PRDM4: variants seen among roughly 807,000 people sequenced by gnomAD.
PRDM4 encodes PR/SET domain 4.
PRDM4 carries 38 observed loss-of-function variants against 62.3 expected under a neutral mutation model. That is an observed-to-expected ratio of 0.61 (90% confidence interval 0.47 to 0.80). The LOEUF (loss-of-function observed/expected upper bound fraction) is 0.80. Among genes scored for constraint, PRDM4 ranks in the 30% least tolerant of loss-of-function variants. PRDM4 has a pLI of 0.00. For synonymous variants in PRDM4, 339 were observed against 348.2 expected, an observed-to-expected ratio of 0.97 and a Z score of 0.30; for missense variants, 858 against 997.1, an observed-to-expected ratio of 0.86 and a Z score of 1.88.
chr12:107,753,959 T>TGAGG lies in PRDM4; in HGVS notation c.292_295dup (p.His99ProfsTer21). On this transcript the variant is annotated frameshift_variant, in exon 4 of 12. Coordinates refer to ENST00000228437, the MANE Select transcript of PRDM4 (RefSeq NM_012406.4). LOFTEE classifies it high-confidence loss of function. ...GGTTCTGAAATAACTGCTCTCCAGG[T>TGAGG]GAGGGTAAGGTGGTGGAGGTAGGGT... 1 of 1,613,980 alleles carries TGAGG rather than the reference T, an allele frequency of 6.2e-7. No homozygotes were observed. The highest frequency in any genetic ancestry group is 1.7e-5 in the Admixed American group (1 of 60,000).
At chr12:107,756,170 G>C (rs995462511) in intron 3 of PRDM4, among the ~76,000 whole-genome samples, 1 of 151,954 alleles carries the variant, frequency 6.6e-6, no homozygotes, top group Non-Finnish European at 1.5e-5. Flanking sequence ...TGAAGCAGGA[G>C]AATCACTTGA....
chr12:107,743,119 T>C, intron 8 of PRDM4, 78 bp downstream of exon 8: 2 of 765,292 alleles, frequency 2.6e-6, no homozygotes, highest in Non-Finnish European at 3.7e-6. Context: ...TTCTTAACTC[T>C]TTCTTCTTTT....
Position 107,760,900 on chromosome 12 carries a change from C to A in PRDM4, c.-257+57G>T, listed in dbSNP as rs376744548. The A allele has an allele frequency of 1.5e-3, 223 of 149,164 alleles. 2 individuals carry two copies. Among genetic ancestry groups the A allele is most frequent in the Admixed American group, 6.7e-3 (100 of 14,940 alleles). 9.2% of individuals were successfully genotyped at this position (149,164 alleles called of 1,614,324 possible). A position where few individuals can be genotyped will look rare whatever the true frequency, so the allele number is the denominator to read the frequency against. Reference sequence around the variant, plus strand: ...GGCTGTGGATTAGCCCGCCCGCGGCCCGCAGGCCGGGCCGCCGCGCCCCGC... The same window carrying A: ...GGCTGTGGATTAGCCCGCCCGCGGCACGCAGGCCGGGCCGCCGCGCCCCGC... On this transcript the variant is annotated intron_variant, in intron 1 of 11. Coordinates refer to ENST00000228437, the MANE Select transcript of PRDM4 (RefSeq NM_012406.4).
rs1890982088 is a variant in PRDM4, at chr12:107,753,957, G to C, written c.298C>G (p.Leu100Val). 1.9e-6 allele frequency: 3 copies of C among 1,614,028 alleles called. No individual in the cohort carries two copies. Among genetic ancestry groups the C allele is most frequent in the South Asian group, 1.1e-5 (1 of 91,058 alleles). ...YTLPPPPYPH[L>V]ESSYFRTILP... ...ATGGTTCTGAAATAACTGCTCTCCA[G>C]GTGAGGGTAAGGTGGTGGAGGTAGG... Residue 100 changes from leucine (L) to valine (V), a missense_variant, in exon 4 of 12, where the codon CTG (leucine) becomes GTG (valine). This residue lies in a region of PRDM4 where 499 missense variants were observed against 546.7 expected (regional missense o/e 0.91). Transcript: ENST00000228437.
At chr12:107,757,107 TTAGA>T in intron 2 of PRDM4, 142 bp from the exon 3 acceptor site, 2 of 762,926 alleles carry the variant, frequency 2.6e-6, no homozygotes, top group East Asian at 2.7e-5. Flanking sequence ...AACAATTCTC[TTAGA>T]TAGCTAGTGC....
At chr12:107,737,390 A>T (rs560215096) in intron 11 of PRDM4, among the ~76,000 whole-genome samples, 1 of 152,234 alleles carries the variant, frequency 6.6e-6, no homozygotes, top group South Asian at 2.1e-4. Flanking sequence ...AGTGCTTCTT[A>T]TAAGAATGAC....
rs754487014 is a variant in PRDM4, at chr12:107,739,477, T to TA, written c.1998dup (p.Ile667TyrfsTer9). The TA allele has an allele frequency of 1.2e-6, 2 of 1,613,996 alleles. No individual in the cohort carries two copies. The highest frequency in any genetic ancestry group is 1.1e-5 in the South Asian group (1 of 91,080). ...TTAAGATTCTTCTCCCCAGTGTGGA[T>TA]AACCATGTGGGACTCCAGGTGAGCC... On this transcript the variant is annotated frameshift_variant, in exon 11 of 12. Transcript: ENST00000228437. LOFTEE classifies it high-confidence loss of function.
chr12:107,744,808 C>T (rs1182993810), intron 6 of PRDM4, 147 bp from the exon 7 acceptor site: 2 of 1,150,028 alleles, frequency 1.7e-6, no homozygotes, highest in Admixed American at 5.1e-5. Flanking sequence ...GCCTGTTATC[C>T]CGGCACTTTG....
chr12:107,743,137 G>A (rs1029332421), intron 8 of PRDM4, 60 bp downstream of exon 8: 1 of 1,346,058 alleles, frequency 7.4e-7, no homozygotes, highest in African/African-American at 1.4e-5. Context: ...TTTATGCAAA[G>A]CTTCCTATTG....
rs372236669 is a variant in PRDM4, at chr12:107,739,565, A to G, written c.1925-14T>C. ...AGTTCTTCTGACCTGCAATCAGCCC[A>G]AAGTATTACACCGTGAAGAAAACAA... On this transcript the variant is annotated splice_polypyrimidine_tract_variant and intron_variant, in intron 10 of 11. Coordinates refer to ENST00000228437, the MANE Select transcript of PRDM4 (RefSeq NM_012406.4). 4.2e-5 allele frequency: 68 copies of G among 1,610,784 alleles called. No homozygotes were observed. In the African/African-American group the frequency reaches 7.5e-4, roughly 18 times the overall value.
chr12:107,751,335 C>T (rs1221776289), intron 5 of PRDM4, 80 bp downstream of exon 5: 5 of 1,426,626 alleles, frequency 3.5e-6, no homozygotes, highest in Non-Finnish European at 4.8e-6. Flanking sequence ...CCCTTAATGC[C>T]AAACTTTACG....
chr12:107,738,239 G>C (rs1316240648), intron 11 of PRDM4: 3 of 152,116 alleles, frequency 2.0e-5, no homozygotes, highest in Admixed American at 6.5e-5. Flanking sequence ...ATCTCTTTTG[G>C]CTCCAATATT....
At chr12:107,748,565 A>G (rs1890792460) in intron 5 of PRDM4, among the ~76,000 whole-genome samples, 1 of 152,266 alleles carries the variant, frequency 6.6e-6, no homozygotes, top group Admixed American at 6.5e-5. Flanking sequence ...GCGAAGAGAA[A>G]GAAACTAGAT....
intron 10 of PRDM4, 91 bp downstream of exon 10, chr12:107,740,855 C>T (rs1890494527): frequency 7.5e-7 from 1 of 1,328,076 alleles, no homozygotes; most frequent in South Asian, 1.4e-5. Flanking sequence ...CATCAAATCT[C>T]AACTCCACCT....
Position 107,734,175 on chromosome 12 carries a change from G to A in PRDM4, c.*35C>T. 1.3e-6 allele frequency: 2 copies of A among 1,547,672 alleles called. No homozygotes were observed. Among genetic ancestry groups the A allele is most frequent in the Non-Finnish European group, 1.7e-6 (2 of 1,148,626 alleles). On this transcript the variant is annotated 3_prime_UTR_variant, in exon 12 of 12. Transcript: ENST00000228437. ...ACTGGTTATGTGTATTTTTCCATTT[G>A]CATTTTCATCCAAAATTGCTTGTTT...
At chr12:107,750,663 C>T (rs144159522) in intron 5 of PRDM4, among the ~76,000 whole-genome samples, 1 of 152,046 alleles carries the variant, frequency 6.6e-6, no homozygotes, top group Non-Finnish European at 1.5e-5. Flanking sequence ...TTTACACGCC[C>T]AAGAATAATA....
chr12:107,758,075 C>G (rs1456107621), intron 2 of PRDM4, among the ~76,000 whole-genome samples: 1 of 151,976 alleles, frequency 6.6e-6, no homozygotes, highest in Non-Finnish European at 1.5e-5. Context: ...GTTACATATT[C>G]CTTAGCAGTG....
chr12:107,754,266 A>C (rs1036375610), intron 3 of PRDM4, among the ~76,000 whole-genome samples, 157 bp from the exon 4 acceptor site: 2 of 152,258 alleles, frequency 1.3e-5, no homozygotes, highest in African/African-American at 4.8e-5. Flanking sequence ...AATATCCACA[A>C]ATAAGCCTAA....
chr12:107,744,480 T>G, intron 7 of PRDM4, 63 bp downstream of exon 7: 1 of 1,564,974 alleles, frequency 6.4e-7, no homozygotes, highest in South Asian at 1.2e-5. Context: ...TATCATAACT[T>G]TTTAACTACC....
Sources: gnomAD v4.1 joint callset for allele counts (sites outside exome capture counted in the v4.1 genomes callset) on GRCh38, gnomAD v4.1.1 for gene constraint, gnomAD v4.1.1 regional missense constraint, MANE v1.5 for transcripts, NCBI Gene and HGNC (gene_info 2026-07-23, HGNC 2026-07-21) for gene names.